The following TNKS variants were observed in gnomAD, a reference collection of about 807,000 sequenced individuals.
TNKS encodes the protein tankyrase.
Under a neutral mutation model 135.8 loss-of-function variants are expected in TNKS, and 72 were observed. The observed-to-expected ratio is 0.53, with a 90% CI of 0.44 to 0.64. The LOEUF is 0.64. Among genes scored for constraint, TNKS ranks in the 30% least tolerant of loss-of-function variants. The pLI, the probability that TNKS is intolerant of heterozygous loss-of-function variation, is 0.00. For missense variants in TNKS, 1,769 were observed against 1,674.0 expected, an observed-to-expected ratio of 1.06 and a Z score of -0.99; for synonymous variants, 849 against 649.3, an observed-to-expected ratio of 1.31 and a Z score of -4.68.
chr8:9,583,209 T>C (rs1196335305), intron 2 of TNKS, among the ~76,000 whole-genome samples: 1 of 149,614 alleles, frequency 6.7e-6, no homozygotes, highest in East Asian at 2.0e-4. Context: ...CTTGAACCCA[T>C]GTGTTTCTTT....
chr8:9,769,707 C>T (rs1374005008), intron 25 of TNKS, among the ~76,000 whole-genome samples: 1 of 151,004 alleles, frequency 6.6e-6, no homozygotes, highest in Non-Finnish European at 1.5e-5. Flanking sequence ...GCAAGCTCCA[C>T]CTCCCGTGTT....
In TNKS at chr8:9,761,633, C is replaced by G. The variant is rs1449842112; in HGVS notation, c.3271C>G (p.Gln1091Glu). The G allele has an allele frequency of 1.3e-6, 2 of 1,577,176 alleles. No individual in the cohort carries two copies. Among genetic ancestry groups the G allele is most frequent in the Non-Finnish European group, 1.7e-6 (2 of 1,169,206 alleles). ...AGTAGAAAGACTCTTAGGTGGACAA[C>G]AAGGTAAGCTATTCAGAAAAAAAAA... ...KGVERLLGGQ[Q>E]GTNPYLTFHC... The change falls in exon 21 of 27, where the codon CAA becomes GAA. Residue 1091 changes from glutamine (Q) to glutamate (E), a missense_variant. Gln to Glu is a conservative substitution (Grantham distance 29). Around this residue, in one of 5 missense-constraint regions of TNKS, gnomAD observed 722 missense variants for 688.9 expected, o/e 1.05. Coordinates refer to ENST00000310430, the MANE Select transcript of TNKS (RefSeq NM_003747.3).
intron 9 of TNKS, among the ~76,000 whole-genome samples, chr8:9,709,378 G>A (rs1197267687): frequency 6.6e-6 from 1 of 152,164 alleles, no homozygotes; most frequent in Non-Finnish European, 1.5e-5. Context: ...TTAGTTGAAA[G>A]TAGTTTTTTA....
chr8:9,584,738 G>A (rs981408340), intron 2 of TNKS, among the ~76,000 whole-genome samples: 4 of 152,206 alleles, frequency 2.6e-5, no homozygotes, highest in African/African-American at 9.6e-5. Context: ...CAGTTTACAT[G>A]TATACCACAC....
At chr8:9,697,458 A>C (rs190308274) in intron 5 of TNKS, among the ~76,000 whole-genome samples, 1,626 of 152,278 alleles carry the variant, frequency 0.011, 34 homozygotes, top group South Asian at 0.016. Flanking sequence ...AGTGGGACCT[A>C]ATTAAAGAGC....
At chr8:9,769,777 A>C (rs913354505) in intron 25 of TNKS, among the ~76,000 whole-genome samples, 5 of 150,910 alleles carry the variant, frequency 3.3e-5, no homozygotes, top group Non-Finnish European at 7.4e-5. Context: ...CCGCCACCAC[A>C]CCCGGCTAAC....
chr8:9,578,184 A>ATGGAAGTTT (rs1798031663), intron 1 of TNKS, among the ~76,000 whole-genome samples: 1 of 152,204 alleles, frequency 6.6e-6, no homozygotes, highest in Non-Finnish European at 1.5e-5. Context: ...GATTAGGGAA[A>ATGGAAGTTT]TGGAAGTTTG....
intron 17 of TNKS, among the ~76,000 whole-genome samples, chr8:9,742,545 C>T (rs550619780): frequency 6.6e-6 from 1 of 151,686 alleles, no homozygotes; most frequent in Admixed American, 6.6e-5. Context: ...AGTAGTATTT[C>T]TCTTAATCTC....
At chr8:9,729,175 T>TA (rs1805300740) in intron 13 of TNKS, among the ~76,000 whole-genome samples, 1 of 152,130 alleles carries the variant, frequency 6.6e-6, no homozygotes, top group Non-Finnish European at 1.5e-5. Flanking sequence ...GAAGCCTCTT[T>TA]TAGAAAGGCC....
intron 20 of TNKS, among the ~76,000 whole-genome samples, chr8:9,759,028 TC>T (rs1807000675): frequency 1.3e-5 from 2 of 152,164 alleles, no homozygotes; most frequent in African/African-American, 4.8e-5. Context: ...AGCCCTCAGT[TC>T]CTTGCCATGT....
At chr8:9,618,752 G>A (rs1799747640) in intron 3 of TNKS, among the ~76,000 whole-genome samples, 1 of 152,062 alleles carries the variant, frequency 6.6e-6, no homozygotes, top group African/African-American at 2.4e-5. Flanking sequence ...ACAGGAAAAG[G>A]ATGAAAAAGA....
chr8:9,775,085 T>C (rs765755279), intron 26 of TNKS, among the ~76,000 whole-genome samples: 5 of 152,160 alleles, frequency 3.3e-5, no homozygotes, highest in Non-Finnish European at 5.9e-5. Context: ...GATAAATAGT[T>C]TTCTTGACCA....
intron 1 of TNKS, among the ~76,000 whole-genome samples, chr8:9,560,305 G>A (rs967688179): frequency 1.3e-5 from 2 of 151,794 alleles, no homozygotes; most frequent in Non-Finnish European, 2.9e-5. Context: ...CTTGAAATGG[G>A]CTTCCTGTTA....
intron 20 of TNKS, among the ~76,000 whole-genome samples, chr8:9,761,229 A>ATAATC (rs1319833794): frequency 6.6e-6 from 1 of 152,240 alleles, no homozygotes; most frequent in Non-Finnish European, 1.5e-5. Context: ...ATAGAACAAA[A>ATAATC]TAATCTAAAG....
chr8:9,776,159 C>T (rs1260465785), intron 26 of TNKS, among the ~76,000 whole-genome samples: 1 of 152,172 alleles, frequency 6.6e-6, no homozygotes, highest in African/African-American at 2.4e-5. Context: ...AATATTGTTC[C>T]CAAACTGTTG....
intron 3 of TNKS, 168 bp from the exon 4 acceptor site, chr8:9,679,783 T>C: frequency 3.7e-6 from 2 of 542,672 alleles, no homozygotes; most frequent in Non-Finnish European, 6.6e-6. Flanking sequence ...TCCAAGGCAC[T>C]GGTGATGCTG....
intron 26 of TNKS, among the ~76,000 whole-genome samples, chr8:9,770,738 A>G (rs555526311): frequency 3.9e-5 from 6 of 152,374 alleles, no homozygotes; most frequent in African/African-American, 1.4e-4. Flanking sequence ...TATATAACCT[A>G]TGAAAACAGT....
intron 2 of TNKS, among the ~76,000 whole-genome samples, chr8:9,613,196 C>T (rs1301010538): frequency 6.6e-6 from 1 of 152,164 alleles, no homozygotes; most frequent in Non-Finnish European, 1.5e-5. Flanking sequence ...TATTTACTAT[C>T]AGGCCTACTA....
chr8:9,718,027 AG>A (rs1399034048), intron 11 of TNKS, among the ~76,000 whole-genome samples: 3 of 152,208 alleles, frequency 2.0e-5, no homozygotes, highest in African/African-American at 4.8e-5. Context: ...AGAAGTTATT[AG>A]TTAGTCCAAA....
Sources: gnomAD v4.1 joint callset for allele counts (sites outside exome capture counted in the v4.1 genomes callset) on GRCh38, gnomAD v4.1.1 for gene constraint, gnomAD v4.1.1 regional missense constraint, MANE v1.5 for transcripts, NCBI Gene and HGNC (gene_info 2026-07-23, HGNC 2026-07-21) for gene names.